Variants in ARB2A observed in about 807,000 individuals in gnomAD.
The protein encoded by ARB2A is cotranscriptional regulator ARB2A.
chr5:93,669,195 G>T, the ARB2A span, among the ~76,000 whole-genome samples: 631 of 152,310 alleles, frequency 4.1e-3, 3 homozygotes, highest in African/African-American at 0.014. Flanking sequence ...AAACCAGTCT[G>T]CCAAAGAAGA....
chr5:93,690,757 G>A, the ARB2A span, among the ~76,000 whole-genome samples: 1 of 152,142 alleles, frequency 6.6e-6, no homozygotes, highest in Non-Finnish European at 1.5e-5. Context: ...CCTCCTGACT[G>A]GGAGCATCTC....
At chr5:93,975,883 A>AT in the ARB2A span, among the ~76,000 whole-genome samples, 1 of 152,126 alleles carries the variant, frequency 6.6e-6, no homozygotes, top group Non-Finnish European at 1.5e-5. Context: ...TCCCATTGAA[A>AT]CTATTACAAA....
the ARB2A span, among the ~76,000 whole-genome samples, chr5:93,877,968 T>A: frequency 1.3e-5 from 2 of 152,134 alleles, no homozygotes; most frequent in Admixed American, 6.6e-5. Flanking sequence ...TTTTCATCCA[T>A]AATTTTAGCA....
the ARB2A span, among the ~76,000 whole-genome samples, chr5:94,046,486 G>A: frequency 9.1e-4 from 139 of 152,210 alleles, no homozygotes; most frequent in African/African-American, 3.2e-3. Context: ...TACCCACCAG[G>A]AGGGCATGTG....
the ARB2A span, among the ~76,000 whole-genome samples, chr5:93,994,166 A>G: frequency 1.3e-5 from 2 of 152,232 alleles, no homozygotes; most frequent in Non-Finnish European, 2.9e-5. Context: ...TTTTCTGGGT[A>G]TATATCCAAA....
chr5:93,867,211 A>G, the ARB2A span, among the ~76,000 whole-genome samples: 2 of 152,194 alleles, frequency 1.3e-5, no homozygotes, highest in South Asian at 4.1e-4. Context: ...TATTATTGCT[A>G]TGACAGAACC....
chr5:93,869,526 A>G, the ARB2A span, among the ~76,000 whole-genome samples: 4 of 152,220 alleles, frequency 2.6e-5, no homozygotes, highest in South Asian at 4.1e-4. Flanking sequence ...AGTGCATACT[A>G]TGTGCTAAAG....
the ARB2A span, among the ~76,000 whole-genome samples, chr5:93,986,790 C>G: frequency 6.6e-6 from 1 of 152,088 alleles, no homozygotes; most frequent in Non-Finnish European, 1.5e-5. Context: ...GCAAGATGTG[C>G]TTTGTTAAAC....
the ARB2A span, among the ~76,000 whole-genome samples, chr5:93,891,094 G>A: frequency 1.3e-5 from 2 of 152,130 alleles, no homozygotes; most frequent in African/African-American, 2.4e-5. Context: ...TTCTTCAGAC[G>A]ACTTTATGGA....
chr5:93,981,297 G>C, the ARB2A span, among the ~76,000 whole-genome samples: 782 of 151,974 alleles, frequency 5.1e-3, 5 homozygotes, highest in Non-Finnish European at 8.9e-3. Flanking sequence ...TCAAACTCCT[G>C]AGCTCAAGCA....
At chr5:93,964,721 T>G in the ARB2A span, among the ~76,000 whole-genome samples, 4 of 152,040 alleles carry the variant, frequency 2.6e-5, no homozygotes, top group Non-Finnish European at 5.9e-5. Context: ...TATGAACCTT[T>G]GTATTAAGGA....
chr5:93,818,197 T>A, the ARB2A span, among the ~76,000 whole-genome samples: 1 of 151,510 alleles, frequency 6.6e-6, no homozygotes. Context: ...TAATAATAAG[T>A]GCTGATGAGG....
the ARB2A span, among the ~76,000 whole-genome samples, chr5:93,800,381 TCACACACACACACACACACACACA>T: frequency 7.1e-6 from 1 of 140,960 alleles, no homozygotes. Context: ...CTGCATATTT[TCACACACACACACACACACACACA>T]CACACACACA....
the ARB2A span, among the ~76,000 whole-genome samples, chr5:93,689,337 C>A: frequency 2.0e-5 from 3 of 152,158 alleles, no homozygotes; most frequent in African/African-American, 7.2e-5. Flanking sequence ...GTCCTTAGCA[C>A]CTAGTATAGA....
chr5:94,050,857 C>T, the ARB2A span: 38 of 1,466,294 alleles, frequency 2.6e-5, no homozygotes, highest in Middle Eastern at 1.8e-4. Context: ...AACAATATTG[C>T]TATACTTCAA....
chr5:93,988,963 T>C, the ARB2A span, among the ~76,000 whole-genome samples: 2 of 152,168 alleles, frequency 1.3e-5, no homozygotes, highest in Non-Finnish European at 2.9e-5. Flanking sequence ...ACTTTTCCTA[T>C]GTTACAAAGT....
the ARB2A span, among the ~76,000 whole-genome samples, chr5:93,715,921 AGACT>A: frequency 6.6e-6 from 1 of 152,212 alleles, no homozygotes; most frequent in Non-Finnish European, 1.5e-5. Flanking sequence ...AGCTTTAGAC[AGACT>A]GTCAGTTTTG....
At chr5:93,718,250 G>A in the ARB2A span, among the ~76,000 whole-genome samples, 1 of 151,942 alleles carries the variant, frequency 6.6e-6, no homozygotes, top group Non-Finnish European at 1.5e-5. Context: ...GACCATCCTC[G>A]CTAACATGGT....
the ARB2A span, among the ~76,000 whole-genome samples, chr5:93,680,921 G>A: frequency 6.6e-6 from 1 of 152,044 alleles, no homozygotes. Context: ...AAATAAGTAG[G>A]TAATTGATAA....
Sources: gnomAD v4.1 joint callset for allele counts (sites outside exome capture counted in the v4.1 genomes callset) on GRCh38, gnomAD v4.1.1 for gene constraint, MANE v1.5 for transcripts, NCBI Gene and HGNC (gene_info 2026-07-23, HGNC 2026-07-21) for gene names.